The following DCLK1 variants were observed in gnomAD, a reference collection of about 807,000 sequenced individuals.
The protein encoded by DCLK1 is doublecortin like kinase 1, also known as serine/threonine-protein kinase DCLK1.
DCLK1 carries 16 observed loss-of-function variants against 86.2 expected under a neutral mutation model. The ratio of observed to expected loss-of-function variants is 0.19; its 90% CI spans 0.13 to 0.28. The LOEUF (loss-of-function observed/expected upper bound fraction) is 0.28. DCLK1 is among the 10% of genes least tolerant of loss of function. The pLI is 1.00. For synonymous variants in DCLK1, 369 were observed against 370.5 expected (o/e 1.00, Z 0.05); for missense variants, 590 against 940.2 (o/e 0.63, Z 4.87).
intron 3 of DCLK1, among the ~76,000 whole-genome samples, chr13:36,057,632 T>C (rs920097558): frequency 1.6e-4 from 24 of 152,184 alleles, no homozygotes; most frequent in African/African-American, 5.5e-4. Flanking sequence ...CCATGAAAAA[T>C]TATTTGTAGT....
intron 8 of DCLK1, among the ~76,000 whole-genome samples, chr13:35,830,616 G>T (rs1252254252): frequency 6.6e-6 from 1 of 152,150 alleles, no homozygotes; most frequent in Non-Finnish European, 1.5e-5. Flanking sequence ...AAAAAATTAT[G>T]ATAAAGCAAA....
intron 4 of DCLK1, among the ~76,000 whole-genome samples, chr13:35,931,090 T>G (rs1328253605): frequency 6.6e-6 from 1 of 152,228 alleles, no homozygotes. Flanking sequence ...TTACGTTGTT[T>G]CCCACAAGGA....
At chr13:36,068,744 G>T (rs1883858252) in intron 3 of DCLK1, among the ~76,000 whole-genome samples, 2 of 152,046 alleles carry the variant, frequency 1.3e-5, no homozygotes, top group African/African-American at 4.8e-5. Context: ...ATTGCTTTAA[G>T]AAAATGCAGG....
chr13:35,847,466 A>C (rs1033832357), intron 6 of DCLK1: 1 of 985,104 alleles, frequency 1.0e-6, no homozygotes, highest in Non-Finnish European at 1.2e-6. Flanking sequence ...GCAAATTTAC[A>C]TAAACACCCA....
At chr13:36,064,701 G>A (rs1883686510) in intron 3 of DCLK1, among the ~76,000 whole-genome samples, 1 of 150,616 alleles carries the variant, frequency 6.6e-6, no homozygotes, top group South Asian at 2.1e-4. Context: ...AGCAGGAAAT[G>A]GGTAACTTCA....
intron 6 of DCLK1, chr13:35,849,769 T>A (rs1204723701): frequency 1.0e-6 from 1 of 985,232 alleles, no homozygotes; most frequent in Admixed American, 6.2e-5. Context: ...ATTTGGATAC[T>A]CTGGGCCTGA....
chr13:36,063,995 A>G (rs959598420), intron 3 of DCLK1, among the ~76,000 whole-genome samples: 18 of 152,194 alleles, frequency 1.2e-4, no homozygotes, highest in African/African-American at 4.3e-4. Flanking sequence ...CACTCTGACA[A>G]CTGTAATTAG....
chr13:35,946,599 G>A (rs991438601), intron 4 of DCLK1, among the ~76,000 whole-genome samples: 4 of 152,038 alleles, frequency 2.6e-5, no homozygotes, highest in South Asian at 4.1e-4. Context: ...TTCCAACTAC[G>A]CAGAATTTGG....
chr13:35,773,579 GTGC>G lies in DCLK1; in HGVS notation c.*953_*955del, dbSNP rs2086370571. The G allele has an allele frequency of 5.9e-5, 9 of 151,588 alleles. No homozygotes were observed. The highest frequency in any genetic ancestry group is 4.6e-4 in the Admixed American group (7 of 15,076). The allele number at this position is 151,588 out of a possible 1,614,324, so 9.4% of individuals were successfully genotyped here. On this transcript the variant is annotated 3_prime_UTR_variant, in exon 17 of 17. Transcript: ENST00000360631. ...TGTAGATTGCACAGTGATGACCACAGTGCGTGGAAAAGCAGGTGAGAAAAATCA... is the reference window on the plus strand; with the variant it reads ...TGTAGATTGCACAGTGATGACCACAGGTGGAAAAGCAGGTGAGAAAAATCA...
At chr13:36,030,567 A>G (rs1016495232) in intron 3 of DCLK1, among the ~76,000 whole-genome samples, 1 of 151,602 alleles carries the variant, frequency 6.6e-6, no homozygotes. Context: ...TCAGCCTACC[A>G]AAGTGCTGGG....
chr13:36,069,778 G>A (rs1325377963), intron 3 of DCLK1, among the ~76,000 whole-genome samples: 1 of 152,176 alleles, frequency 6.6e-6, no homozygotes, highest in East Asian at 1.9e-4. Context: ...TCTGAGCAGT[G>A]ATAGTACTCA....
Position 35,811,304 on chromosome 13 carries a change from T to C in DCLK1, c.1555-336A>G, listed in dbSNP as rs531532947. On this transcript the variant is annotated intron_variant, in intron 11 of 16. Transcript: ENST00000360631. ...GCAGAGCAATTTTCAGATTGGTTTT[T>C]ATAAAATGTCCATTAAAGAAAAAAA... Among the ~76,000 whole-genome samples, 5 of 152,010 alleles carry C rather than the reference T, an allele frequency of 3.3e-5. No individual in the cohort carries two copies. In the East Asian group the frequency reaches 9.7e-4, roughly 29 times the overall value.
intron 3 of DCLK1, among the ~76,000 whole-genome samples, chr13:35,988,364 T>A (rs1466074419): frequency 2.6e-5 from 4 of 152,230 alleles, no homozygotes; most frequent in African/African-American, 9.6e-5. Flanking sequence ...TGCAGCCAGC[T>A]GCTCTCACCT....
Position 36,108,947 on chromosome 13 carries a change from A to C in DCLK1, c.723+2922T>G, listed in dbSNP as rs1430031965. ...AGCGTTATTCCACAGGACAGCGTGG[A>C]GGAAACTGATTTATTCTCAGAGGCT... On this transcript the variant is annotated intron_variant, in intron 3 of 16. Transcript: ENST00000360631. 2.6e-5 allele frequency among the ~76,000 whole-genome samples: 4 copies of C among 152,186 alleles called. No homozygotes were observed. In the East Asian group the frequency reaches 7.7e-4, roughly 29 times the overall value.
chr13:35,871,428 A>C, intron 4 of DCLK1, 88 bp from the exon 5 acceptor site: 1 of 1,059,322 alleles, frequency 9.4e-7, no homozygotes, highest in Non-Finnish European at 1.4e-6. Context: ...GGAAGTAGAA[A>C]TATATGACCA....
chr13:35,805,802 C>G, intron 14 of DCLK1, 23 bp from the exon 15 acceptor site: 1 of 1,602,832 alleles, frequency 6.2e-7, no homozygotes, highest in East Asian at 2.2e-5. Context: ...ACGTTAGAGT[C>G]CATTTATCTG....
intron 3 of DCLK1, among the ~76,000 whole-genome samples, chr13:36,077,825 C>T (rs1270993705): frequency 6.6e-6 from 1 of 152,200 alleles, no homozygotes; most frequent in African/African-American, 2.4e-5. Flanking sequence ...AGAATATAAA[C>T]TATTGCCCTG....
chr13:35,820,271 G>A (rs761612599), intron 11 of DCLK1, among the ~76,000 whole-genome samples: 20 of 152,102 alleles, frequency 1.3e-4, no homozygotes, highest in Non-Finnish European at 2.4e-4. Flanking sequence ...AGAAATCACT[G>A]TAAAGGAGAA....
chr13:36,064,225 T>G (rs576626805), intron 3 of DCLK1, among the ~76,000 whole-genome samples: 1 of 152,334 alleles, frequency 6.6e-6, no homozygotes, highest in Non-Finnish European at 1.5e-5. Context: ...CACAAAGCTT[T>G]AGGCATCACT....
Sources: allele counts gnomAD v4.1 joint callset (sites outside exome capture counted in the v4.1 genomes callset), GRCh38; gene constraint gnomAD v4.1.1; transcripts MANE v1.5; gene names NCBI Gene and HGNC (gene_info 2026-07-23, HGNC 2026-07-21).